The following RHBDD1 variants were observed in gnomAD, a reference collection of about 807,000 sequenced individuals.
RHBDD1 encodes rhomboid-related protein 4.
In RHBDD1, 38 loss-of-function variants were observed where a neutral mutation model predicts 36.3. The ratio of observed to expected loss-of-function variants is 1.05; its 90% CI spans 0.81 to 1.37. The LOEUF (loss-of-function observed/expected upper bound fraction) is 1.37. RHBDD1 is among the 40% of genes most tolerant of loss of function. The pLI is 0.00. For missense variants in RHBDD1, 393 were observed against 377.6 expected (o/e 1.04, Z -0.34); for synonymous variants, 151 against 136.5 (o/e 1.11, Z -0.74).
intron 8 of RHBDD1, among the ~76,000 whole-genome samples, chr2:226,961,227 A>G (rs1156602722): frequency 1.3e-5 from 2 of 152,030 alleles, no homozygotes; most frequent in Non-Finnish European, 2.9e-5. Context: ...ATGAGGGATT[A>G]TGGGTATTTT....
chr2:226,818,970 T>C, the RHBDD1 span, among the ~76,000 whole-genome samples: 1 of 152,234 alleles, frequency 6.6e-6, no homozygotes, highest in African/African-American at 2.4e-5. Context: ...TAGTTTTCCA[T>C]AGTCCCATGA....
At chr2:226,890,304 C>T (rs1353705700) in intron 5 of RHBDD1, among the ~76,000 whole-genome samples, 2 of 152,144 alleles carry the variant, frequency 1.3e-5, no homozygotes, top group African/African-American at 4.8e-5. Context: ...AACGTGTCAG[C>T]CATTCTACAG....
intron 8 of RHBDD1, among the ~76,000 whole-genome samples, chr2:226,984,198 A>G (rs1422135106): frequency 5.3e-5 from 8 of 152,270 alleles, no homozygotes; most frequent in African/African-American, 1.9e-4. Context: ...CCAGTTGCCA[A>G]GCTGCCAACT....
chr2:226,931,990 C>A (rs1950058875), intron 8 of RHBDD1, among the ~76,000 whole-genome samples: 1 of 152,046 alleles, frequency 6.6e-6, no homozygotes, highest in South Asian at 2.1e-4. Context: ...CTTAGGTCTT[C>A]TTTGATTTCT....
At chr2:226,869,314 A>G (rs747105398) in intron 5 of RHBDD1, 186 of 356,458 alleles carry the variant, frequency 5.2e-4, no homozygotes, top group Non-Finnish European at 6.8e-4. Flanking sequence ...AACTTCTAAT[A>G]TACAAGCATC....
intron 5 of RHBDD1, among the ~76,000 whole-genome samples, chr2:226,898,749 CGAATCTGGGACCATTTATTAA>C (rs1020758179): frequency 1.2e-4 from 19 of 152,256 alleles, no homozygotes; most frequent in African/African-American, 4.3e-4. Context: ...GCTAGTACTG[CGAATCTGGGACCATTTATTAA>C]GATCCCCAAA....
intron 8 of RHBDD1, among the ~76,000 whole-genome samples, chr2:226,978,177 G>A (rs557236205): frequency 1.3e-5 from 2 of 152,246 alleles, no homozygotes; most frequent in South Asian, 2.1e-4. Flanking sequence ...ATTCTAGAAC[G>A]CTGTTACACT....
chr2:226,834,741 A>G (rs1940829821), upstream of RHBDD1, among the ~76,000 whole-genome samples: 1 of 152,234 alleles, frequency 6.6e-6, no homozygotes, highest in African/African-American at 2.4e-5. Context: ...TTGGAAAAAG[A>G]GCATCTTTAC....
chr2:226,801,186 C>T, the RHBDD1 span, among the ~76,000 whole-genome samples: 4 of 152,202 alleles, frequency 2.6e-5, no homozygotes. Context: ...AGGCGCTGGG[C>T]ATGCTCAGTG....
chr2:226,831,332 A>T (rs755055848), upstream of RHBDD1, among the ~76,000 whole-genome samples: 1 of 152,218 alleles, frequency 6.6e-6, no homozygotes, highest in Non-Finnish European at 1.5e-5. Context: ...TGTGTCATCC[A>T]AAAAGATGTG....
the RHBDD1 span, among the ~76,000 whole-genome samples, chr2:226,811,949 G>A: frequency 1.3e-5 from 2 of 152,338 alleles, no homozygotes; most frequent in South Asian, 4.1e-4. Flanking sequence ...GAGTAGAGGA[G>A]TGTGTGCAGG....
At chr2:226,853,524 G>A (rs1943038791) in intron 3 of RHBDD1, among the ~76,000 whole-genome samples, 1 of 152,254 alleles carries the variant, frequency 6.6e-6, no homozygotes, top group Non-Finnish European at 1.5e-5. Context: ...CTTCACGGCG[G>A]AACAGCACTG....
intron 8 of RHBDD1, among the ~76,000 whole-genome samples, chr2:226,985,085 A>G (rs1418590546): frequency 6.6e-6 from 1 of 152,142 alleles, no homozygotes; most frequent in African/African-American, 2.4e-5. Context: ...TGATTGTCTT[A>G]TTACCATAGA....
rs1434476608 is a variant in RHBDD1 at position 226,914,576 on chromosome 2, C to A, written c.856+225C>A. 5 of 316,340 alleles carry A rather than the reference C, an allele frequency of 1.6e-5. No homozygotes were observed. In the South Asian group the frequency reaches 2.7e-4, roughly 17 times the overall value. 19.6% of individuals were successfully genotyped at this position (316,340 alleles called of 1,614,324 possible). A position where few individuals can be genotyped will look rare whatever the true frequency, so the allele number is the denominator to read the frequency against. Reference sequence around the variant, plus strand: ...CTGTGTATGTATTGTTAAAGTGGTTCTTTTTATAGTCCTGCTGTACTTGAT... The same window carrying A: ...CTGTGTATGTATTGTTAAAGTGGTTATTTTTATAGTCCTGCTGTACTTGAT... On this transcript the variant is annotated intron_variant, in intron 8 of 8. Transcript: ENST00000392062.
intron 8 of RHBDD1, among the ~76,000 whole-genome samples, chr2:226,944,729 A>T (rs1380776015): frequency 1.3e-5 from 2 of 152,186 alleles, no homozygotes; most frequent in Non-Finnish European, 2.9e-5. Flanking sequence ...TATTTGGCTT[A>T]AAGATTGACA....
intron 3 of RHBDD1, among the ~76,000 whole-genome samples, chr2:226,848,826 C>T (rs1238044738): frequency 2.6e-5 from 4 of 152,166 alleles, no homozygotes; most frequent in South Asian, 2.1e-4. Context: ...AATCCCTGCT[C>T]ATCTATAAAA....
chr2:226,895,357 T>A (rs979547527), intron 5 of RHBDD1, among the ~76,000 whole-genome samples: 8 of 152,108 alleles, frequency 5.3e-5, no homozygotes, highest in Admixed American at 2.0e-4. Context: ...CCAGTAGCTG[T>A]GCTCCTGACC....
chr2:226,969,246 A>C (rs1952974812), intron 8 of RHBDD1: 1 of 152,098 alleles, frequency 6.6e-6, no homozygotes, highest in Non-Finnish European at 1.5e-5. Flanking sequence ...TTTGTCTAAA[A>C]TTTGTGTTTT....
At chr2:226,862,217 G>A (rs904089626) in intron 3 of RHBDD1, among the ~76,000 whole-genome samples, 2 of 152,170 alleles carry the variant, frequency 1.3e-5, no homozygotes, top group African/African-American at 4.8e-5. Context: ...TGTTTATTCT[G>A]CATCTCTTTT....
Sources: gnomAD v4.1 joint callset for allele counts (sites outside exome capture counted in the v4.1 genomes callset) on GRCh38, gnomAD v4.1.1 for gene constraint, MANE v1.5 for transcripts, NCBI Gene and HGNC (gene_info 2026-07-23, HGNC 2026-07-21) for gene names.